The following DCDC1 variants were observed in gnomAD, a reference collection of about 807,000 sequenced individuals.
DCDC1 encodes doublecortin domain containing 1.
Under a neutral mutation model 178.3 loss-of-function variants are expected in DCDC1, and 200 were observed. The observed-to-expected ratio is 1.12, with a 90% CI of 1.00 to 1.26. DCDC1 has a LOEUF of 1.26. Among genes scored for constraint, DCDC1 ranks in the 50% most tolerant of loss-of-function variants. The probability of loss-of-function intolerance (pLI) is 0.00; values close to 1 mark genes in which losing one functional copy is unlikely to be tolerated. For synonymous variants in DCDC1, 690 were observed against 604.8 expected (o/e 1.14, Z -2.07); for missense variants, 1,983 against 1,749.2 (o/e 1.13, Z -2.38).
At chr11:31,209,945 C>G (rs1224692286) in intron 9 of DCDC1, among the ~76,000 whole-genome samples, 1 of 152,156 alleles carries the variant, frequency 6.6e-6, no homozygotes, top group East Asian at 1.9e-4. Context: ...CCAGAGAAAA[C>G]AAATGAATGG....
intron 38 of DCDC1, among the ~76,000 whole-genome samples, chr11:30,876,261 C>T (rs1198638573): frequency 6.6e-6 from 1 of 152,124 alleles, no homozygotes; most frequent in Non-Finnish European, 1.5e-5. Flanking sequence ...AACATGTTCC[C>T]AAAGGAAATT....
chr11:31,056,149 C>T (rs1590896475), intron 20 of DCDC1, among the ~76,000 whole-genome samples: 1 of 151,726 alleles, frequency 6.6e-6, no homozygotes, highest in Non-Finnish European at 1.5e-5. Flanking sequence ...TTTAGTAAGT[C>T]AAGGCAGCAT....
chr11:31,307,086 T>C (rs1193245106), intron 4 of DCDC1, among the ~76,000 whole-genome samples: 2 of 152,178 alleles, frequency 1.3e-5, no homozygotes, highest in Non-Finnish European at 2.9e-5. Context: ...GAAGAGTAAA[T>C]ATTTTAAAAT....
At chr11:31,024,094 T>A (rs1953069410) in intron 20 of DCDC1, among the ~76,000 whole-genome samples, 1 of 151,990 alleles carries the variant, frequency 6.6e-6, no homozygotes, top group South Asian at 2.1e-4. Flanking sequence ...TGAAATTTTG[T>A]CCATAAAAAC....
intron 6 of DCDC1, among the ~76,000 whole-genome samples, chr11:31,299,854 T>C (rs921382054): frequency 1.3e-5 from 2 of 152,248 alleles, no homozygotes; most frequent in Non-Finnish European, 2.9e-5. Flanking sequence ...TGTAAACTTA[T>C]TTTTTATTTA....
At chr11:31,321,616 T>C (rs1949362371) in intron 3 of DCDC1, among the ~76,000 whole-genome samples, 1 of 152,146 alleles carries the variant, frequency 6.6e-6, no homozygotes, top group South Asian at 2.1e-4. Flanking sequence ...ACCCGTCTTC[T>C]GCGTCGCTCA....
chr11:30,925,841 T>C (rs540893537), intron 22 of DCDC1, among the ~76,000 whole-genome samples: 1 of 152,272 alleles, frequency 6.6e-6, no homozygotes, highest in Admixed American at 6.5e-5. Context: ...TCTTGTTCTT[T>C]CTCCAAGGTT....
chr11:30,944,890 C>T (rs1947904313), intron 21 of DCDC1, among the ~76,000 whole-genome samples: 1 of 148,426 alleles, frequency 6.7e-6, no homozygotes, highest in Non-Finnish European at 1.5e-5. Context: ...GCCTAGAGAA[C>T]TTTGAAGTAG....
At chr11:30,954,267 G>A (rs182230648) in intron 20 of DCDC1, among the ~76,000 whole-genome samples, 94 of 151,556 alleles carry the variant, frequency 6.2e-4, no homozygotes, top group Non-Finnish European at 1.1e-3. Flanking sequence ...TGCCGGCCTC[G>A]GCCTCCCAAA....
At chr11:30,916,294 T>C (rs1199551443) in intron 26 of DCDC1, among the ~76,000 whole-genome samples, 1 of 152,210 alleles carries the variant, frequency 6.6e-6, no homozygotes, top group East Asian at 1.9e-4. Flanking sequence ...ATTAAATTAA[T>C]CTATAAACAT....
At chr11:31,036,180 T>C (rs1177238079) in intron 20 of DCDC1, among the ~76,000 whole-genome samples, 1 of 152,228 alleles carries the variant, frequency 6.6e-6, no homozygotes, top group East Asian at 1.9e-4. Context: ...TCTTGTATCT[T>C]TCCACACCTA....
Position 31,118,429 on chromosome 11 carries a change from C to T in DCDC1, c.1486-8068G>A, listed in dbSNP as rs1401311452. Among the ~76,000 whole-genome samples the T allele has an allele frequency of 3.3e-5, 5 of 152,088 alleles. No individual in the cohort carries two copies. In the East Asian group the frequency reaches 9.7e-4, roughly 29 times the overall value. On this transcript the variant is annotated intron_variant, in intron 11 of 38. Coordinates refer to ENST00000684477, the MANE Select transcript of DCDC1 (RefSeq NM_001387274.1). Reference sequence around the variant, plus strand: ...CTTAAGTAGGTGTAAATTCATCACCCCATTTTCACTTACGAGAAAATCTGC... The same window carrying T: ...CTTAAGTAGGTGTAAATTCATCACCTCATTTTCACTTACGAGAAAATCTGC...
At chr11:31,349,824 G>C (rs565151936) in intron 1 of DCDC1, among the ~76,000 whole-genome samples, 1 of 152,176 alleles carries the variant, frequency 6.6e-6, no homozygotes, top group African/African-American at 2.4e-5. Context: ...AACATAGCAA[G>C]ACCCAGCCTC....
intron 21 of DCDC1, among the ~76,000 whole-genome samples, chr11:30,948,280 A>G (rs1012271554): frequency 4.0e-4 from 61 of 152,332 alleles, no homozygotes; most frequent in African/African-American, 1.4e-3. Flanking sequence ...TAAAATACCT[A>G]GGAATACAAC....
intron 3 of DCDC1, among the ~76,000 whole-genome samples, chr11:31,308,403 A>G (rs1309198668): frequency 6.6e-6 from 1 of 152,248 alleles, no homozygotes; most frequent in African/African-American, 2.4e-5. Context: ...TATATGTTAA[A>G]TAAACTGAAA....
chr11:31,004,518 G>GAA lies in DCDC1; in HGVS notation c.2592-51952_2592-51951dup, dbSNP rs11461869. ...GAAACCCCGTCTCTACTAAACATACGAAAAAAAAAAAAAAATTAGCTGGGC... is the reference window on the plus strand; with the variant it reads ...GAAACCCCGTCTCTACTAAACATACGAAAAAAAAAAAAAAAAATTAGCTGGGC... On this transcript the variant is annotated intron_variant, in intron 20 of 38. Coordinates refer to ENST00000684477, the MANE Select transcript of DCDC1 (RefSeq NM_001387274.1). 7.8e-3 allele frequency among the ~76,000 whole-genome samples: 1,079 copies of GAA among 138,210 alleles called. 8 individuals are homozygous for GAA. Among genetic ancestry groups the GAA allele is most frequent in the Middle Eastern group, 0.026 (7 of 272 alleles). 90.7% of individuals were successfully genotyped at this position (138,210 alleles called of 152,430 possible).
intron 15 of DCDC1, among the ~76,000 whole-genome samples, chr11:31,094,899 C>G (rs904277981): frequency 1.3e-5 from 2 of 151,982 alleles, no homozygotes; most frequent in Non-Finnish European, 1.5e-5. Flanking sequence ...ACCCATCAAC[C>G]CGTCATCTAC....
chr11:31,099,825 T>G (rs954765027), intron 15 of DCDC1, among the ~76,000 whole-genome samples: 57 of 151,670 alleles, frequency 3.8e-4, no homozygotes, highest in African/African-American at 1.4e-3. Context: ...TTCAAGCAAT[T>G]CTCCTGCCTC....
chr11:31,116,797 G>C (rs1047520299), intron 11 of DCDC1, among the ~76,000 whole-genome samples: 2 of 152,032 alleles, frequency 1.3e-5, no homozygotes, highest in African/African-American at 2.4e-5. Context: ...CCCAGGAAAT[G>C]AAAATGCACT....
Sources: allele counts gnomAD v4.1 joint callset (sites outside exome capture counted in the v4.1 genomes callset), GRCh38; gene constraint gnomAD v4.1.1; transcripts MANE v1.5; gene names NCBI Gene and HGNC (gene_info 2026-07-23, HGNC 2026-07-21).